The following ZBTB20 variants were observed in gnomAD, a reference collection of about 807,000 sequenced individuals.
ZBTB20 encodes the protein zinc finger and BTB domain containing 20.
In ZBTB20, 9 loss-of-function variants were observed where a neutral mutation model predicts 56.9. That is an observed-to-expected ratio of 0.16 (90% CI 0.10 to 0.28). ZBTB20 has a LOEUF of 0.28. Among genes scored for constraint, ZBTB20 ranks in the 10% least tolerant of loss-of-function variants. The pLI is 1.00. For missense variants in ZBTB20, 655 were observed against 1,003.0 expected (o/e 0.65, Z 4.69); for synonymous variants, 417 against 420.7 (o/e 0.99, Z 0.11).
At chr3:115,125,876 AATC>A (rs1303557260) in intron 1 of ZBTB20, among the ~76,000 whole-genome samples, 3 of 152,204 alleles carry the variant, frequency 2.0e-5, no homozygotes, top group South Asian at 4.1e-4. Flanking sequence ...TAAAGCTAAT[AATC>A]ATTTTTTAAA....
intron 5 of ZBTB20, chr3:114,743,638 G>C (rs532540850): frequency 6.5e-6 from 1 of 154,336 alleles, no homozygotes; most frequent in African/African-American, 2.4e-5. Context: ...AAACATATCA[G>C]AAGTGAAATT....
At chr3:114,368,320 T>C (rs572982382) in intron 10 of ZBTB20, among the ~76,000 whole-genome samples, 7 of 152,302 alleles carry the variant, frequency 4.6e-5, no homozygotes, top group South Asian at 2.1e-4. Context: ...TTTCTGAATA[T>C]TGGAAAACAA....
intron 7 of ZBTB20, among the ~76,000 whole-genome samples, chr3:114,407,004 C>T (rs2108743995): frequency 6.6e-6 from 1 of 152,146 alleles, no homozygotes; most frequent in African/African-American, 2.4e-5. Flanking sequence ...TCCTGTTTTA[C>T]AGGAATACAC....
chr3:114,892,639 TCA>T (rs2076858741), intron 4 of ZBTB20, among the ~76,000 whole-genome samples: 1 of 112,634 alleles, frequency 8.9e-6, no homozygotes. Flanking sequence ...GGCACTTCTC[TCA>T]CTCTAGTGAG....
intron 10 of ZBTB20, among the ~76,000 whole-genome samples, chr3:114,360,145 G>A (rs1035159719): frequency 9.3e-5 from 14 of 150,770 alleles, no homozygotes; most frequent in African/African-American, 2.7e-4. Context: ...ATATCATTGA[G>A]TTCCCAATTC....
intron 3 of ZBTB20, among the ~76,000 whole-genome samples, chr3:114,909,995 T>C (rs2075466772): frequency 6.6e-6 from 1 of 151,990 alleles, no homozygotes; most frequent in Non-Finnish European, 1.5e-5. Flanking sequence ...AATTAAGTGT[T>C]GCTTTTTTTA....
At chr3:115,022,231 T>G (rs1375831770) in intron 2 of ZBTB20, among the ~76,000 whole-genome samples, 1 of 150,938 alleles carries the variant, frequency 6.6e-6, no homozygotes, top group Admixed American at 6.6e-5. Context: ...AAAATTTAGT[T>G]ATTTAATAAC....
intron 7 of ZBTB20, among the ~76,000 whole-genome samples, chr3:114,446,545 T>A (rs1576799055): frequency 1.3e-5 from 2 of 152,150 alleles, no homozygotes; most frequent in Admixed American, 1.3e-4. Flanking sequence ...TTTTCTGCTT[T>A]ACAAAAGAAT....
intron 1 of ZBTB20, among the ~76,000 whole-genome samples, chr3:115,146,010 T>C (rs1224505563): frequency 6.6e-6 from 1 of 152,166 alleles, no homozygotes; most frequent in African/African-American, 2.4e-5. Context: ...GTATTTTTAA[T>C]AGAAAAAACA....
chr3:114,527,096 A>T (rs2047312319), intron 6 of ZBTB20: 1 of 152,166 alleles, frequency 6.6e-6, no homozygotes, highest in African/African-American at 2.4e-5. Flanking sequence ...GGGAGGTGGG[A>T]ACTATAGTTT....
chr3:114,840,901 C>T (rs979655081), intron 4 of ZBTB20, among the ~76,000 whole-genome samples: 4 of 151,488 alleles, frequency 2.6e-5, no homozygotes, highest in African/African-American at 7.3e-5. Context: ...TTTCAAGAAC[C>T]GATCTTTCTT....
chr3:114,359,177 T>C (rs2081549070), intron 10 of ZBTB20, among the ~76,000 whole-genome samples: 1 of 152,180 alleles, frequency 6.6e-6, no homozygotes, highest in African/African-American at 2.4e-5. Flanking sequence ...ACTTATGAGG[T>C]GAGGGCATAA....
chr3:115,111,005 A>T (rs1381560186), intron 1 of ZBTB20, among the ~76,000 whole-genome samples: 5 of 144,794 alleles, frequency 3.5e-5, no homozygotes, highest in African/African-American at 5.0e-5. Context: ...AATAAAAATA[A>T]AAATAAATAA....
intron 1 of ZBTB20, among the ~76,000 whole-genome samples, chr3:115,088,994 T>C (rs1345588803): frequency 6.6e-6 from 1 of 151,890 alleles, no homozygotes; most frequent in African/African-American, 2.4e-5. Flanking sequence ...CCTAGAGGAT[T>C]ATGCATTATC....
At chr3:114,866,659 C>G (rs935253018) in intron 4 of ZBTB20, among the ~76,000 whole-genome samples, 1 of 152,176 alleles carries the variant, frequency 6.6e-6, no homozygotes, top group African/African-American at 2.4e-5. Flanking sequence ...AAGGCTGACT[C>G]TCTCACAGGT....
chr3:114,903,276 T>A (rs541234710), intron 3 of ZBTB20, among the ~76,000 whole-genome samples: 1 of 152,098 alleles, frequency 6.6e-6, no homozygotes, highest in Non-Finnish European at 1.5e-5. Context: ...CCCTACGAGG[T>A]TGTCTATGCA....
intron 1 of ZBTB20, among the ~76,000 whole-genome samples, chr3:115,074,650 C>T (rs567841226): frequency 6.6e-6 from 1 of 152,152 alleles, no homozygotes; most frequent in Non-Finnish European, 1.5e-5. Context: ...CATTGCACAA[C>T]AGGCACAGCA....
rs370859544 is a variant in ZBTB20, at chr3:114,948,636, C to CATAG, written c.-456+25726_-456+25729dup. Among the ~76,000 whole-genome samples, 558 of 144,716 alleles carry CATAG rather than the reference C, an allele frequency of 3.9e-3. 88 individuals carry two copies. The highest frequency in any genetic ancestry group is 0.012 in the African/African-American group (421 of 35,142). The allele number at this position is 144,716 out of a possible 152,430, so 94.9% of individuals were successfully genotyped here. A position where few individuals can be genotyped will look rare whatever the true frequency, so the allele number is the denominator to read the frequency against. ...TCTGACTCTCTCTCTCTCTCTGTGT[C>CATAG]ATAGATAGATAGATAGATAGATATG... On this transcript the variant is annotated intron_variant, in intron 3 of 11. Transcript: ENST00000675478.
chr3:114,670,876 C>T (rs920262421), intron 6 of ZBTB20, among the ~76,000 whole-genome samples: 6 of 152,130 alleles, frequency 3.9e-5, no homozygotes, highest in Non-Finnish European at 7.4e-5. Context: ...GCAGCCTACT[C>T]TAGTCTCTGA....
Sources: allele counts gnomAD v4.1 joint callset (sites outside exome capture counted in the v4.1 genomes callset), GRCh38; gene constraint gnomAD v4.1.1; transcripts MANE v1.5; gene names NCBI Gene and HGNC (gene_info 2026-07-23, HGNC 2026-07-21).